The following SPOPL variants were observed in gnomAD, a reference collection of about 807,000 sequenced individuals.
SPOPL encodes the protein speckle-type POZ protein-like.
Under a neutral mutation model 53.8 loss-of-function variants are expected in SPOPL, and 23 were observed. That is an observed-to-expected ratio of 0.43 (90% confidence interval 0.31 to 0.61). The LOEUF is 0.61. Ranked by LOEUF, SPOPL falls within the 20% of genes least tolerant of loss-of-function variation. SPOPL has a pLI of 0.12. For missense variants in SPOPL, 442 were observed against 466.9 expected, an observed-to-expected ratio of 0.95 and a Z score of 0.49; for synonymous variants, 164 against 149.7, an observed-to-expected ratio of 1.10 and a Z score of -0.70.
rs535214773 is a variant in SPOPL, at chr2:138,559,006, G to C, written c.481-16G>C. 4.5e-6 allele frequency: 7 copies of C among 1,549,448 alleles called. No individual in the cohort carries two copies. The East Asian group carries it at 1.4e-4, about 30-fold the overall frequency. On this transcript the variant is annotated splice_polypyrimidine_tract_variant and intron_variant, in intron 5 of 10. Coordinates refer to ENST00000280098, the MANE Select transcript of SPOPL (RefSeq NM_001001664.3). Reference sequence around the variant, plus strand: ...ACTTTGTGAAAGTGTTTTTCTTGCTGTCCCTTTTTTATTAGGTGAGTGTGG... The same window carrying C: ...ACTTTGTGAAAGTGTTTTTCTTGCTCTCCCTTTTTTATTAGGTGAGTGTGG...
intron 1 of SPOPL, among the ~76,000 whole-genome samples, chr2:138,532,220 T>G (rs996879712): frequency 6.6e-6 from 1 of 152,136 alleles, no homozygotes; most frequent in Non-Finnish European, 1.5e-5. Flanking sequence ...ACCAGGATCT[T>G]AGCCCCTTGG....
intron 5 of SPOPL, among the ~76,000 whole-genome samples, chr2:138,557,643 T>C (rs1685456475): frequency 6.6e-6 from 1 of 152,224 alleles, no homozygotes; most frequent in Non-Finnish European, 1.5e-5. Context: ...GTTAAATTAA[T>C]GCAGCTATCT....
chr2:138,568,839 A>C (rs1685719804), intron 10 of SPOPL, 97 bp from the exon 11 acceptor site: 2 of 1,299,960 alleles, frequency 1.5e-6, no homozygotes, highest in African/African-American at 1.5e-5. Context: ...AAAGTGTTCA[A>C]ATATTTTGAA....
At chr2:138,550,813 T>TTC (rs977195828) in intron 3 of SPOPL, 90 bp from the exon 4 acceptor site, 3 of 1,244,756 alleles carry the variant, frequency 2.4e-6, no homozygotes, top group African/African-American at 3.1e-5. Context: ...GATTTCAGTG[T>TTC]TCTCTCTCTC....
intron 1 of SPOPL, among the ~76,000 whole-genome samples, chr2:138,545,151 G>C (rs1685163824): frequency 6.6e-6 from 1 of 152,148 alleles, no homozygotes; most frequent in African/African-American, 2.4e-5. Flanking sequence ...TGGCCCTTCA[G>C]TCAGTCCTTC....
At chr2:138,515,496 T>G (rs1320673695) in intron 1 of SPOPL, among the ~76,000 whole-genome samples, 1 of 152,230 alleles carries the variant, frequency 6.6e-6, no homozygotes, top group Non-Finnish European at 1.5e-5. Flanking sequence ...TGTTTTTATG[T>G]CTAATTTCTT....
chr2:138,543,736 G>A (rs561308752), intron 1 of SPOPL, among the ~76,000 whole-genome samples: 19 of 152,208 alleles, frequency 1.2e-4, no homozygotes, highest in South Asian at 8.3e-4. Context: ...CTCTCAACTC[G>A]TCAAAGTCAT....
intron 1 of SPOPL, among the ~76,000 whole-genome samples, chr2:138,504,591 G>T (rs1380728715): frequency 6.6e-6 from 1 of 152,126 alleles, no homozygotes; most frequent in Non-Finnish European, 1.5e-5. Context: ...TCTACCATGT[G>T]CCAGGCATTG....
rs959589454 is a variant in SPOPL, at chr2:138,501,814, A to C, written c.-366A>C. On this transcript the variant is annotated 5_prime_UTR_variant, in exon 1 of 11. Transcript: ENST00000280098. ...AGCCGGGGCTGGAGTCGTAACTCGGAAGCCGGAGCCCAGACGGGCCCGCGG... is the reference window on the plus strand; with the variant it reads ...AGCCGGGGCTGGAGTCGTAACTCGGCAGCCGGAGCCCAGACGGGCCCGCGG... 1.3e-5 allele frequency: 2 copies of C among 153,618 alleles called. No individual in the cohort carries two copies. Among genetic ancestry groups the C allele is most frequent in the Admixed American group, 6.6e-5 (1 of 15,264 alleles). The allele number at this position is 153,618 out of a possible 1,614,324, so 9.5% of individuals were successfully genotyped here. A position where few individuals can be genotyped will look rare whatever the true frequency, so the allele number is the denominator to read the frequency against.
intron 1 of SPOPL, among the ~76,000 whole-genome samples, chr2:138,506,035 C>T (rs1309007854): frequency 2.0e-5 from 3 of 152,112 alleles, no homozygotes; most frequent in Admixed American, 6.5e-5. Context: ...CCAAAATCCA[C>T]GCTAAGCATT....
chr2:138,554,420 G>A (rs768964933), intron 5 of SPOPL: 1 of 1,211,038 alleles, frequency 8.3e-7, no homozygotes, highest in South Asian at 1.5e-5. Context: ...CCCGCTCACG[G>A]ATGCCCTTCC....
chr2:138,531,471 G>A (rs1014534819), intron 1 of SPOPL, among the ~76,000 whole-genome samples: 18 of 151,726 alleles, frequency 1.2e-4, no homozygotes, highest in African/African-American at 3.4e-4. Context: ...ACAATTTTTC[G>A]TTGGCCAGTT....
In SPOPL at chr2:138,564,740, A is replaced by G; in HGVS notation, c.870A>G (p.Glu290=). 1 of 1,614,204 alleles carries G rather than the reference A, an allele frequency of 6.2e-7. No individual in the cohort carries two copies. The highest frequency in any genetic ancestry group is 8.5e-7 in the Non-Finnish European group (1 of 1,180,022). The part of the protein sequence containing the change: ...YALERLKVMC[E]EALCSNLSVE... ...TGGAACGGCTGAAGGTCATGTGCGAAGAAGCTTTGTGTAGTAACCTCTCAG... is the reference window on the plus strand; with the variant it reads ...TGGAACGGCTGAAGGTCATGTGCGAGGAAGCTTTGTGTAGTAACCTCTCAG... Residue 290 remains glutamate, a synonymous_variant, in exon 9 of 11, where the codon GAA becomes GAG. Coordinates refer to ENST00000280098, the MANE Select transcript of SPOPL (RefSeq NM_001001664.3).
At chr2:138,523,414 T>C (rs2104866217) in intron 1 of SPOPL, among the ~76,000 whole-genome samples, 1 of 152,196 alleles carries the variant, frequency 6.6e-6, no homozygotes, top group South Asian at 2.1e-4. Context: ...AGCCAAACCA[T>C]ATCATTCTGC....
Position 138,559,147 on chromosome 2 carries a change from C to T in SPOPL, c.606C>T (p.Cys202=). The part of the protein sequence containing the change: ...NLWENTRFTD[C]SFFVRGQEFK... ...GGGAAAACACAAGATTTACAGACTG[C>T]AGTTTTTTCGTGAGAGGACAAGAAT... Residue 202 remains cysteine (C), a synonymous_variant, in exon 6 of 11, where the codon TGC becomes TGT. Transcript: ENST00000280098. 6.2e-7 allele frequency: 1 copy of T among 1,613,666 alleles called. No homozygotes were observed.
At chr2:138,565,879 G>T (rs1298372048) in intron 10 of SPOPL, among the ~76,000 whole-genome samples, 1 of 151,266 alleles carries the variant, frequency 6.6e-6, no homozygotes, top group Non-Finnish European at 1.5e-5. Context: ...AACTACAGGC[G>T]CCCGCCACCA....
At chr2:138,550,338 T>G in intron 2 of SPOPL, 44 bp downstream of exon 2, 1 of 1,608,984 alleles carries the variant, frequency 6.2e-7, no homozygotes. Context: ...ACTTATAAAT[T>G]TTACAGTATG....
chr2:138,542,472 C>T (rs1443319915), intron 1 of SPOPL, among the ~76,000 whole-genome samples: 1 of 152,070 alleles, frequency 6.6e-6, no homozygotes, highest in Non-Finnish European at 1.5e-5. Context: ...TTGAATTGGT[C>T]CCTTTACCAT....
intron 1 of SPOPL, among the ~76,000 whole-genome samples, chr2:138,522,750 C>G (rs1012597909): frequency 5.3e-5 from 8 of 152,258 alleles, no homozygotes; most frequent in African/African-American, 1.9e-4. Flanking sequence ...AAAGACACAG[C>G]TGTTTCTATT....
Sources: allele counts gnomAD v4.1 joint callset (sites outside exome capture counted in the v4.1 genomes callset), GRCh38; gene constraint gnomAD v4.1.1; transcripts MANE v1.5; gene names NCBI Gene and HGNC (gene_info 2026-07-23, HGNC 2026-07-21).